CNTN3: variants seen among roughly 807,000 people sequenced by gnomAD.
CNTN3 encodes the protein contactin 3.
A neutral mutation model predicts 119.1 loss-of-function variants in CNTN3; 60 were observed. The ratio of observed to expected loss-of-function variants is 0.50; its 90% CI spans 0.41 to 0.62. The LOEUF (loss-of-function observed/expected upper bound fraction) is 0.62, where lower values mean the gene tolerates loss of function less well. CNTN3 is among the 20% of genes least tolerant of loss of function. The probability of loss-of-function intolerance (pLI) is 0.00; values close to 1 mark genes in which losing one functional copy is unlikely to be tolerated. For synonymous variants in CNTN3, 450 were observed against 438.7 expected (o/e 1.03, Z -0.32); for missense variants, 1,101 against 1,242.4 (o/e 0.89, Z 1.71).
intron 13 of CNTN3, among the ~76,000 whole-genome samples, chr3:74,317,672 A>C (rs377394172): frequency 1.9e-4 from 28 of 151,122 alleles, no homozygotes; most frequent in African/African-American, 4.6e-4. Context: ...GGCCCCCACT[A>C]TCTTCTGGCT....
intron 1 of CNTN3, among the ~76,000 whole-genome samples, chr3:74,545,904 A>T (rs910038827): frequency 1.8e-4 from 27 of 152,288 alleles, no homozygotes; most frequent in African/African-American, 6.3e-4. Context: ...ACTAGGGTCC[A>T]ATCTCTGCTC....
At chr3:74,415,035 C>A (rs1037999482) in intron 5 of CNTN3, among the ~76,000 whole-genome samples, 5 of 152,052 alleles carry the variant, frequency 3.3e-5, no homozygotes, top group African/African-American at 7.2e-5. Flanking sequence ...AAAATAAATT[C>A]TGTTGAAGCA....
intron 3 of CNTN3, among the ~76,000 whole-genome samples, chr3:74,493,137 T>C (rs1702998832): frequency 1.3e-5 from 2 of 152,176 alleles, no homozygotes; most frequent in South Asian, 4.1e-4. Context: ...ATATTAGGTA[T>C]TATCAGAAAT....
At chr3:74,418,940 A>G (rs4677393) in intron 5 of CNTN3, among the ~76,000 whole-genome samples, 89,435 of 150,794 alleles carry the variant, frequency 0.59, 29,141 homozygotes, top group East Asian at 0.81. Flanking sequence ...AGGTGCACGC[A>G]CCACCATGCC....
intron 1 of CNTN3, among the ~76,000 whole-genome samples, chr3:74,596,927 G>A (rs953314957): frequency 2.0e-5 from 3 of 152,056 alleles, no homozygotes; most frequent in African/African-American, 7.2e-5. Context: ...GACAGCAAAC[G>A]ACCTGGGAGT....
Position 74,301,657 on chromosome 3 carries a change from G to C in CNTN3, c.1935C>G (p.Thr645=), listed in dbSNP as rs146095571. Residue 645 remains threonine (T), a synonymous_variant, in exon 15 of 23, where the codon ACC becomes ACG. Transcript: ENST00000263665. ...ARTPFSVGWQ[T]VTTVPEVIDG... ...CCTCTCCTGCTTTACCTGTTGTGAC[G>C]GTTTGCCAACCCACGGAGAAAGGTG... 2.6e-5 allele frequency: 42 copies of C among 1,613,830 alleles called. No homozygotes were observed. Among genetic ancestry groups the C allele is most frequent in the Middle Eastern group, 3.3e-4 (2 of 6,080 alleles).
chr3:74,310,069 A>G (rs1276456153), intron 13 of CNTN3, among the ~76,000 whole-genome samples: 1 of 152,238 alleles, frequency 6.6e-6, no homozygotes, highest in Non-Finnish European at 1.5e-5. Context: ...TTGAATTAAA[A>G]TATTTCAAGT....
intron 20 of CNTN3, among the ~76,000 whole-genome samples, chr3:74,277,709 G>T (rs924625567): frequency 2.0e-5 from 3 of 151,980 alleles, no homozygotes; most frequent in Admixed American, 6.6e-5. Flanking sequence ...ACTGGAAAAA[G>T]ACAAGGATGC....
At chr3:74,468,749 A>G (rs1031867528) in intron 4 of CNTN3, among the ~76,000 whole-genome samples, 1 of 152,194 alleles carries the variant, frequency 6.6e-6, no homozygotes, top group Non-Finnish European at 1.5e-5. Flanking sequence ...TCTCTAGCAT[A>G]ACAAACCTGT....
chr3:74,525,402 T>G (rs182017182), intron 1 of CNTN3, among the ~76,000 whole-genome samples: 14 of 151,976 alleles, frequency 9.2e-5, no homozygotes, highest in Admixed American at 5.2e-4. Flanking sequence ...TTATAAATAA[T>G]GAAGGTAATT....
intron 13 of CNTN3, among the ~76,000 whole-genome samples, chr3:74,322,167 C>T (rs1575725328): frequency 1.2e-5 from 1 of 83,248 alleles, no homozygotes; most frequent in East Asian, 4.6e-4. Flanking sequence ...GCCTGGGTGA[C>T]TCAAAAAAAA....
intron 1 of CNTN3, among the ~76,000 whole-genome samples, chr3:74,570,849 A>G (rs749167922): frequency 1.3e-5 from 2 of 152,198 alleles, no homozygotes; most frequent in African/African-American, 2.4e-5. Context: ...TCGAACTTGT[A>G]ACTGAAAGAC....
chr3:74,443,266 A>G (rs1396595186), intron 4 of CNTN3, among the ~76,000 whole-genome samples: 2 of 151,936 alleles, frequency 1.3e-5, no homozygotes, highest in African/African-American at 2.4e-5. Flanking sequence ...GTCTGGCTCT[A>G]TTCTTCCTTC....
At chr3:74,565,414 T>G (rs1704211859) in intron 1 of CNTN3, among the ~76,000 whole-genome samples, 1 of 152,114 alleles carries the variant, frequency 6.6e-6, no homozygotes, top group Non-Finnish European at 1.5e-5. Context: ...CTCCTGCCTC[T>G]CTCTTAGAAG....
rs547505152 is a variant in CNTN3 at position 74,507,847 on chromosome 3, G to T, written c.56-8062C>A. Among the ~76,000 whole-genome samples, 144 of 151,766 alleles carry T rather than the reference G, an allele frequency of 9.5e-4. 2 individuals carry two copies. The South Asian group carries it at 0.011, about 12-fold the overall frequency. ...GGGTTTCCCTGTGTTGCCCAGGCTG[G>T]TCTCAAACTCCTGAGCTCAGGCAAT... On this transcript the variant is annotated intron_variant, in intron 2 of 22. Coordinates refer to ENST00000263665, the MANE Select transcript of CNTN3 (RefSeq NM_020872.3).
chr3:74,263,105 G>A lies in CNTN3; in HGVS notation c.*1296C>T, dbSNP rs551094188. 24 of 152,226 alleles carry A rather than the reference G, an allele frequency of 1.6e-4. No homozygotes were observed. In the South Asian group the frequency reaches 4.1e-3, roughly 26 times the overall value. The allele number at this position is 152,226 out of a possible 1,614,324, so 9.4% of individuals were successfully genotyped here. ...TGCAAAATGTGAAATTGGTAGGAAA[G>A]AGGTAAAAAACTGATTTTGCAATGT... On this transcript the variant is annotated 3_prime_UTR_variant, in exon 23 of 23. Transcript: ENST00000263665.
intron 1 of CNTN3, among the ~76,000 whole-genome samples, chr3:74,551,754 C>CTT (rs776621925): frequency 0.012 from 694 of 60,254 alleles, 49 homozygotes; most frequent in African/African-American, 0.018. Context: ...TCTTCTTCTT[C>CTT]TTTTTTTTTT....
At chr3:74,459,539 T>G (rs892149147) in intron 4 of CNTN3, among the ~76,000 whole-genome samples, 2 of 152,014 alleles carry the variant, frequency 1.3e-5, no homozygotes, top group South Asian at 4.1e-4. Context: ...TCTCCACTAA[T>G]CTCTGTAAAT....
At chr3:74,472,707 C>A (rs1012112917) in intron 4 of CNTN3, among the ~76,000 whole-genome samples, 1 of 152,276 alleles carries the variant, frequency 6.6e-6, no homozygotes, top group Middle Eastern at 3.4e-3. Flanking sequence ...GTTTTAAGTT[C>A]ATATACTGTG....
Sources: allele counts gnomAD v4.1 joint callset (sites outside exome capture counted in the v4.1 genomes callset), GRCh38; gene constraint gnomAD v4.1.1; transcripts MANE v1.5; gene names NCBI Gene and HGNC (gene_info 2026-07-23, HGNC 2026-07-21).